RBM46: variants seen among roughly 807,000 people sequenced by gnomAD.
The protein encoded by RBM46 is probable RNA-binding protein 46.
Under a neutral mutation model 43.3 loss-of-function variants are expected in RBM46, and 12 were observed. The ratio of observed to expected loss-of-function variants is 0.28; its 90% CI spans 0.18 to 0.45. The LOEUF (loss-of-function observed/expected upper bound fraction) is 0.45, where lower values mean the gene tolerates loss of function less well. RBM46 is among the 20% of genes least tolerant of loss of function. The pLI, the probability that RBM46 is intolerant of heterozygous loss-of-function variation, is 1.00. For synonymous variants in RBM46, 205 were observed against 207.6 expected (o/e 0.99, Z 0.11); for missense variants, 412 against 639.1 (o/e 0.64, Z 3.83).
intron 4 of RBM46, among the ~76,000 whole-genome samples, chr4:154,809,018 G>T (rs1735048462): frequency 6.6e-6 from 1 of 151,724 alleles, no homozygotes; most frequent in African/African-American, 2.4e-5. Context: ...AAATGAGATA[G>T]TAATGATTTT....
chr4:154,781,775 C>A, intron 1 of RBM46: 1 of 153,128 alleles, frequency 6.5e-6, no homozygotes, highest in Non-Finnish European at 1.5e-5. Context: ...CGCTGCCTTC[C>A]GGCCGCTTCC....
chr4:154,813,972 A>G (rs1394020097), intron 4 of RBM46, among the ~76,000 whole-genome samples: 2 of 152,070 alleles, frequency 1.3e-5, no homozygotes, highest in African/African-American at 2.4e-5. Context: ...AAAATCTTCA[A>G]AGATATAGAA....
chr4:154,797,740 G>A (rs1734423321), intron 2 of RBM46, 71 bp from the exon 3 acceptor site: 2 of 1,067,440 alleles, frequency 1.9e-6, no homozygotes, highest in Admixed American at 2.6e-5. Context: ...TTTGTTGAAT[G>A]AATATATGAT....
chr4:154,800,016 C>T (rs867429809), intron 4 of RBM46, among the ~76,000 whole-genome samples: 10 of 152,204 alleles, frequency 6.6e-5, no homozygotes, highest in African/African-American at 2.4e-4. Context: ...CGTGATCTGC[C>T]CGCCTCGGCC....
intron 4 of RBM46, among the ~76,000 whole-genome samples, chr4:154,818,570 A>C (rs754303501): frequency 6.6e-6 from 1 of 152,148 alleles, no homozygotes; most frequent in African/African-American, 2.4e-5. Context: ...ACTTTTGTAT[A>C]GTCTTCTTAG....
At chr4:154,785,049 A>G (rs1337059341) in intron 1 of RBM46, among the ~76,000 whole-genome samples, 1 of 152,206 alleles carries the variant, frequency 6.6e-6, no homozygotes, top group African/African-American at 2.4e-5. Context: ...TGTGAATTAT[A>G]CACGTGCATA....
chr4:154,806,805 A>C (rs1353820838), intron 4 of RBM46, among the ~76,000 whole-genome samples: 1 of 152,070 alleles, frequency 6.6e-6, no homozygotes, highest in South Asian at 2.1e-4. Flanking sequence ...ACTACTTAAA[A>C]GTTTGGAAAC....
At chr4:154,806,651 G>GA (rs942697047) in intron 4 of RBM46, among the ~76,000 whole-genome samples, 14 of 149,278 alleles carry the variant, frequency 9.4e-5, no homozygotes, top group South Asian at 2.1e-4. Flanking sequence ...AGAACAGCTG[G>GA]AAAAAAAAAT....
intron 1 of RBM46, among the ~76,000 whole-genome samples, chr4:154,795,845 C>T (rs148908382): frequency 3.8e-4 from 57 of 151,998 alleles, no homozygotes; most frequent in Non-Finnish European, 6.3e-4. Context: ...TAGGGATGGA[C>T]GGGAATAGAC....
intron 4 of RBM46, among the ~76,000 whole-genome samples, chr4:154,816,901 A>G (rs156577): frequency 6.6e-6 from 1 of 152,046 alleles, no homozygotes; most frequent in African/African-American, 2.4e-5. Context: ...AATTTTGTCA[A>G]ATACTTTTTT....
At chr4:154,802,454 T>G (rs769753889) in intron 4 of RBM46, among the ~76,000 whole-genome samples, 11 of 152,198 alleles carry the variant, frequency 7.2e-5, no homozygotes, top group Non-Finnish European at 1.3e-4. Context: ...TCCCTTCTGT[T>G]AATGTTGGAG....
chr4:154,794,626 T>G (rs1734261175), intron 1 of RBM46, among the ~76,000 whole-genome samples: 1 of 152,204 alleles, frequency 6.6e-6, no homozygotes, highest in African/African-American at 2.4e-5. Context: ...GTTACCTAAC[T>G]TACAAGGTAT....
In RBM46 at chr4:154,827,854, G is replaced by A. The variant is rs372982552; in HGVS notation, c.1403-14G>A. 6.2e-7 allele frequency: 1 copy of A among 1,612,588 alleles called. No individual in the cohort carries two copies. The highest frequency in any genetic ancestry group is 8.5e-7 in the Non-Finnish European group (1 of 1,178,820). ...AAAGATGTACAGCATAATTGTTCAT[G>A]TATTTATTTACAGACTACAATTTCC... On this transcript the variant is annotated splice_polypyrimidine_tract_variant and intron_variant, in intron 4 of 4. Coordinates refer to ENST00000281722, the MANE Select transcript of RBM46 (RefSeq NM_144979.5).
At chr4:154,822,417 G>C (rs563643336) in intron 4 of RBM46, among the ~76,000 whole-genome samples, 1 of 151,416 alleles carries the variant, frequency 6.6e-6, no homozygotes, top group East Asian at 1.9e-4. Flanking sequence ...TTTAGCTCTT[G>C]ATTTTCTATA....
intron 1 of RBM46, among the ~76,000 whole-genome samples, chr4:154,783,439 A>G (rs1178843198): frequency 6.6e-6 from 1 of 152,232 alleles, no homozygotes; most frequent in African/African-American, 2.4e-5. Flanking sequence ...TGTGACTACA[A>G]ATCAAGTAAT....
intron 1 of RBM46, among the ~76,000 whole-genome samples, chr4:154,784,630 A>C (rs541705668): frequency 7.9e-5 from 12 of 152,366 alleles, no homozygotes; most frequent in African/African-American, 2.4e-4. Context: ...TGAAAGCTAG[A>C]GTTAAATATG....
intron 1 of RBM46, among the ~76,000 whole-genome samples, chr4:154,794,293 G>T (rs1024555597): frequency 4.7e-5 from 7 of 147,426 alleles, no homozygotes; most frequent in African/African-American, 1.8e-4. Flanking sequence ...CCTTTCTCCT[G>T]CCTCAGCCTC....
chr4:154,789,699 A>G (rs900237730), intron 1 of RBM46, among the ~76,000 whole-genome samples: 19 of 152,200 alleles, frequency 1.2e-4, no homozygotes, highest in African/African-American at 4.3e-4. Flanking sequence ...AAAATGAGTT[A>G]GGGAGGATTC....
At chr4:154,810,086 A>G (rs1033174949) in intron 4 of RBM46, among the ~76,000 whole-genome samples, 3 of 152,062 alleles carry the variant, frequency 2.0e-5, no homozygotes, top group Non-Finnish European at 2.9e-5. Context: ...TGGTGAGTAC[A>G]TGTTTTCATT....
Sources: allele counts gnomAD v4.1 joint callset (sites outside exome capture counted in the v4.1 genomes callset), GRCh38; gene constraint gnomAD v4.1.1; transcripts MANE v1.5; gene names NCBI Gene and HGNC (gene_info 2026-07-23, HGNC 2026-07-21).